Variants in TCF12 observed in about 807,000 individuals in gnomAD.
TCF12 encodes DNA-binding protein HTF4.
In TCF12, 45 loss-of-function variants were observed where a neutral mutation model predicts 86.0. The observed-to-expected ratio is 0.52, with a 90% CI of 0.41 to 0.67. TCF12 has a LOEUF of 0.67. Among genes scored for constraint, TCF12 ranks in the 30% least tolerant of loss-of-function variants. TCF12 has a pLI of 0.00. For synonymous variants in TCF12, 330 were observed against 299.6 expected, an observed-to-expected ratio of 1.10 and a Z score of -1.05; for missense variants, 881 against 859.9, an observed-to-expected ratio of 1.02 and a Z score of -0.31.
chr15:57,247,740 C>T lies in TCF12; in HGVS notation c.1115-3610C>T. ...GAAAGAGCTCTCTTTGGTTCCACTA[C>T]ACACCTGTCAGCCTTGTGTGGTCTA... is the stretch of plus-strand genomic sequence containing the variant. On this transcript the variant is annotated intron_variant, in intron 13 of 20. Coordinates refer to ENST00000333725, the MANE Select transcript of TCF12 (RefSeq NM_207037.2). 5.4e-6 allele frequency: 4 copies of T among 734,088 alleles called. No individual in the cohort carries two copies. The South Asian group carries it at 5.8e-5, about 11-fold the overall frequency. The allele number at this position is 734,088 out of a possible 1,614,324, so 45.5% of individuals were successfully genotyped here.
chr15:57,188,562 A>G (rs1441149001), intron 6 of TCF12, among the ~76,000 whole-genome samples: 4 of 152,202 alleles, frequency 2.6e-5, no homozygotes, highest in Non-Finnish European at 2.9e-5. Flanking sequence ...TTCCAATTTC[A>G]AAACTTACTA....
intron 5 of TCF12, among the ~76,000 whole-genome samples, chr15:57,117,764 T>C (rs1341367180): frequency 6.6e-6 from 1 of 152,214 alleles, no homozygotes; most frequent in Non-Finnish European, 1.5e-5. Flanking sequence ...TTTTATTTCA[T>C]TTAGAATCAT....
intron 5 of TCF12, among the ~76,000 whole-genome samples, chr15:57,139,996 T>C (rs1299608498): frequency 6.6e-6 from 1 of 152,156 alleles, no homozygotes; most frequent in Admixed American, 6.5e-5. Context: ...TTAAAAACAG[T>C]TTATTCCTCA....
intron 5 of TCF12, among the ~76,000 whole-genome samples, chr15:57,154,608 T>G (rs2053989740): frequency 6.6e-6 from 1 of 152,236 alleles, no homozygotes; most frequent in African/African-American, 2.4e-5. Flanking sequence ...TTGCATACTT[T>G]CTTTGGTGAA....
chr15:56,919,378 C>G (rs1652766821), intron 1 of TCF12: 1 of 152,222 alleles, frequency 6.6e-6, no homozygotes, highest in African/African-American at 2.4e-5. Context: ...CTGGGCCCGC[C>G]GGGGACGTCC....
chr15:57,170,789 AT>A (rs1567560124), intron 6 of TCF12, among the ~76,000 whole-genome samples: 1 of 43,026 alleles, frequency 2.3e-5, no homozygotes, highest in African/African-American at 1.1e-4. Flanking sequence ...ATATATATAT[AT>A]AATATATATA....
intron 5 of TCF12, among the ~76,000 whole-genome samples, chr15:57,106,559 G>C (rs182606668): frequency 1.3e-5 from 2 of 152,268 alleles, no homozygotes; most frequent in East Asian, 3.9e-4. Flanking sequence ...CACTGCATAC[G>C]CTTTTGTATT....
chr15:57,087,428 T>A lies in TCF12; in HGVS notation c.223-4361T>A, dbSNP rs112851102. Reference sequence around the variant, plus strand: ...CCCTGTCTCAAAAAAAAAAAAAAAATTTATATATATATATATTTGATTATG... The same window carrying A: ...CCCTGTCTCAAAAAAAAAAAAAAAAATTATATATATATATATTTGATTATG... On this transcript the variant is annotated intron_variant, in intron 4 of 20. Transcript: ENST00000333725. Among the ~76,000 whole-genome samples, 36 of 119,178 alleles carry A rather than the reference T, an allele frequency of 3.0e-4. 1 individual carries two copies. Among genetic ancestry groups the A allele is most frequent in the Admixed American group, 2.0e-3 (24 of 12,112 alleles). The allele number at this position is 119,178 out of a possible 152,430, so 78.2% of individuals were successfully genotyped here. A position where few individuals can be genotyped will look rare whatever the true frequency, so the allele number is the denominator to read the frequency against.
chr15:57,108,577 G>A (rs1322162126), intron 5 of TCF12, among the ~76,000 whole-genome samples: 2 of 152,042 alleles, frequency 1.3e-5, no homozygotes, highest in African/African-American at 4.8e-5. Flanking sequence ...GAGAATGTGG[G>A]TGAGGTTGTT....
intron 20 of TCF12, among the ~76,000 whole-genome samples, chr15:57,282,927 T>A (rs1225034682): frequency 6.6e-6 from 1 of 152,264 alleles, no homozygotes; most frequent in African/African-American, 2.4e-5. Context: ...GAAAACGCTC[T>A]TGTTACCACT....
intron 5 of TCF12, among the ~76,000 whole-genome samples, chr15:57,125,579 A>G (rs1305660194): frequency 6.6e-6 from 1 of 152,230 alleles, no homozygotes; most frequent in African/African-American, 2.4e-5. Flanking sequence ...CTGAACAGCC[A>G]TGGTAATGGG....
intron 3 of TCF12, among the ~76,000 whole-genome samples, chr15:57,055,908 T>C (rs1487790662): frequency 2.6e-5 from 4 of 152,176 alleles, no homozygotes; most frequent in African/African-American, 9.7e-5. Context: ...CTTTGTTCTC[T>C]CATTATACCT....
At chr15:57,136,961 TTTTTTTTTG>T (rs1471376657) in intron 5 of TCF12, among the ~76,000 whole-genome samples, 444 of 6,986 alleles carry the variant, frequency 0.064, 115 homozygotes, top group African/African-American at 0.15. Context: ...TCTGGCAGTT[TTTTTTTTTG>T]TTTTTTTTTT....
intron 19 of TCF12, among the ~76,000 whole-genome samples, chr15:57,279,884 CTTTTTTT>C (rs34752903): frequency 7.1e-5 from 7 of 98,306 alleles, no homozygotes; most frequent in African/African-American, 2.8e-4. Flanking sequence ...CACAGTCTCA[CTTTTTTT>C]TTTTTTTTTT....
rs190956486 is a variant in TCF12 at position 57,000,788 on chromosome 15, T to A, written c.149-62962T>A. Among the ~76,000 whole-genome samples, 13 of 152,190 alleles carry A rather than the reference T, an allele frequency of 8.5e-5. No individual in the cohort carries two copies. The East Asian group carries it at 2.5e-3, about 29-fold the overall frequency. ...TAGTACTGCACACCAAGCCTGATTA[T>A]TTTTGCCACTGAGGTATGATTTGTG... On this transcript the variant is annotated intron_variant, in intron 3 of 20. Transcript: ENST00000333725.
intron 8 of TCF12, among the ~76,000 whole-genome samples, chr15:57,220,456 A>AT (rs1293061749): frequency 6.6e-6 from 1 of 152,190 alleles, no homozygotes; most frequent in East Asian, 1.9e-4. Context: ...TCAAACTAGA[A>AT]TTTTGACCTT....
intron 3 of TCF12, among the ~76,000 whole-genome samples, chr15:56,943,763 A>G (rs1412782452): frequency 6.6e-6 from 1 of 152,196 alleles, no homozygotes. Context: ...TGGTAAAGTC[A>G]TTATTACAAT....
intron 4 of TCF12, among the ~76,000 whole-genome samples, chr15:57,085,083 T>A (rs569506041): frequency 6.6e-6 from 1 of 152,122 alleles, no homozygotes. Context: ...AGTTCAAGAC[T>A]CGCTCTTCCT....
intron 3 of TCF12, among the ~76,000 whole-genome samples, chr15:56,923,957 A>G (rs1266997694): frequency 6.7e-6 from 1 of 150,264 alleles, no homozygotes; most frequent in African/African-American, 2.5e-5. Flanking sequence ...TGTAGGAAGT[A>G]TTTTCTGGCT....
Sources: allele counts gnomAD v4.1 joint callset (sites outside exome capture counted in the v4.1 genomes callset), GRCh38; gene constraint gnomAD v4.1.1; transcripts MANE v1.5; gene names NCBI Gene and HGNC (gene_info 2026-07-23, HGNC 2026-07-21).